The following PHTF2 variants were observed in gnomAD, a reference collection of about 807,000 sequenced individuals.
PHTF2 encodes the protein protein PHTF2.
A neutral mutation model predicts 101.2 loss-of-function variants in PHTF2; 60 were observed. The observed-to-expected ratio is 0.59, with a 90% CI of 0.48 to 0.73. PHTF2 has a LOEUF of 0.73. Ranked by LOEUF, PHTF2 falls within the 30% of genes least tolerant of loss-of-function variation. The pLI is 0.00. For synonymous variants in PHTF2, 311 were observed against 307.3 expected, an observed-to-expected ratio of 1.01 and a Z score of -0.13; for missense variants, 747 against 908.7, an observed-to-expected ratio of 0.82 and a Z score of 2.29.
At position 77,938,931 on chromosome 7, in the gene PHTF2, G is replaced by A. The variant is rs533437432; in HGVS notation, c.1467+1093G>A. Reference sequence around the variant, plus strand: ...ACAGGAATTATAATAACTGGGTCTAGAAATTGATAATACTCCCTATAACAT... The same window carrying A: ...ACAGGAATTATAATAACTGGGTCTAAAAATTGATAATACTCCCTATAACAT... On this transcript the variant is annotated intron_variant, in intron 13 of 19. Transcript: ENST00000416283. Among the ~76,000 whole-genome samples, 38 of 152,300 alleles carry A rather than the reference G, an allele frequency of 2.5e-4. No homozygotes were observed. The South Asian group carries it at 7.7e-3, about 31-fold the overall frequency.
intron 2 of PHTF2, among the ~76,000 whole-genome samples, chr7:77,847,777 G>C (rs1395788881): frequency 1.3e-5 from 2 of 152,126 alleles, no homozygotes; most frequent in Non-Finnish European, 2.9e-5. Context: ...TAGTCACCCT[G>C]TTATGCTATC....
chr7:77,920,204 A>G, intron 9 of PHTF2, 75 bp from the exon 9 acceptor site: 1 of 717,646 alleles, frequency 1.4e-6, no homozygotes, highest in Non-Finnish European at 2.3e-6. Context: ...AATTATTAAC[A>G]GATTATAATT....
chr7:77,875,278 C>T (rs1247160541), intron 3 of PHTF2, among the ~76,000 whole-genome samples: 1 of 151,964 alleles, frequency 6.6e-6, no homozygotes, highest in Non-Finnish European at 1.5e-5. Flanking sequence ...AGTTTTCTTA[C>T]ATAGATCTTC....
At chr7:77,887,240 A>G (rs1799941943) in intron 3 of PHTF2, among the ~76,000 whole-genome samples, 1 of 152,118 alleles carries the variant, frequency 6.6e-6, no homozygotes, top group Non-Finnish European at 1.5e-5. Flanking sequence ...CAGCATGTAT[A>G]AAGTGTTCAT....
chr7:77,832,626 T>G (rs1434599573), intron 1 of PHTF2, among the ~76,000 whole-genome samples: 1 of 152,006 alleles, frequency 6.6e-6, no homozygotes, highest in Non-Finnish European at 1.5e-5. Context: ...TGAAGCAGGG[T>G]TTTCTGTAGT....
chr7:77,848,665 CTT>C (rs992149096), intron 2 of PHTF2, among the ~76,000 whole-genome samples: 23 of 151,968 alleles, frequency 1.5e-4, no homozygotes, highest in African/African-American at 5.3e-4. Flanking sequence ...TAGGTTGTCT[CTT>C]TGTTGATATT....
At chr7:77,799,345 G>A (rs1373904115) in intron 1 of PHTF2, among the ~76,000 whole-genome samples, 1 of 152,160 alleles carries the variant, frequency 6.6e-6, no homozygotes, top group Admixed American at 6.5e-5. Flanking sequence ...CTGAGGGGTC[G>A]TCGGGTCCTG....
intron 11 of PHTF2, among the ~76,000 whole-genome samples, chr7:77,925,287 A>G (rs905400687): frequency 6.6e-6 from 1 of 152,144 alleles, no homozygotes; most frequent in African/African-American, 2.4e-5. Flanking sequence ...AAATCTCATT[A>G]TATGTTCAGT....
chr7:77,943,228 C>T (rs541701381), intron 16 of PHTF2, among the ~76,000 whole-genome samples: 4 of 152,224 alleles, frequency 2.6e-5, no homozygotes, highest in Non-Finnish European at 4.4e-5. Flanking sequence ...TCACGCCATT[C>T]TCCTGCCTCA....
chr7:77,852,786 T>C (rs555002467), intron 2 of PHTF2, among the ~76,000 whole-genome samples: 1 of 152,218 alleles, frequency 6.6e-6, no homozygotes, highest in Non-Finnish European at 1.5e-5. Context: ...TGATGAAATC[T>C]CTCACCTTTT....
chr7:77,879,869 C>T (rs1799264206), intron 3 of PHTF2, among the ~76,000 whole-genome samples: 2 of 152,134 alleles, frequency 1.3e-5, no homozygotes, highest in South Asian at 4.1e-4. Context: ...AGTACTTTTC[C>T]ATGAGAAATG....
intron 9 of PHTF2, among the ~76,000 whole-genome samples, chr7:77,918,736 T>C (rs1333104732): frequency 1.3e-5 from 2 of 152,236 alleles, no homozygotes; most frequent in Non-Finnish European, 2.9e-5. Context: ...CTATAATTCA[T>C]GTTCCTCCCT....
chr7:77,920,343 G>C, exon 10 of PHTF2: 1 of 1,609,406 alleles, frequency 6.2e-7, no homozygotes, highest in Non-Finnish European at 8.5e-7. Flanking sequence ...TGTATCCCTT[G>C]ATGGGAAGAA....
Position 77,829,252 on chromosome 7 carries a change from G to A in PHTF2, c.-35-10969G>A, listed in dbSNP as rs1584419849. Among the ~76,000 whole-genome samples, 4 of 152,222 alleles carry A rather than the reference G, an allele frequency of 2.6e-5. 1 individual carries two copies. The highest frequency in any genetic ancestry group is 2.6e-4 in the Admixed American group (4 of 15,278). On this transcript the variant is annotated intron_variant, in intron 1 of 19. Transcript: ENST00000416283. The stretch of plus-strand genomic sequence containing the variant: ...AGCACAAAACACTTTTATTTAGTAC[G>A]GGTATAGAGAGATGTTACTTGCCTG...
rs147299740 is a variant in PHTF2, at chr7:77,956,225, T to A, written c.*1347T>A. 477 of 152,698 alleles carry A rather than the reference T, an allele frequency of 3.1e-3. 1 individual carries two copies. The highest frequency in any genetic ancestry group is 0.011 in the African/African-American group (462 of 41,570). The allele number at this position is 152,698 out of a possible 1,614,324, so 9.5% of individuals were successfully genotyped here. A position where few individuals can be genotyped will look rare whatever the true frequency, so the allele number is the denominator to read the frequency against. ...AATCTAGAATTTTCTTGGTGCAAAGTGTATCATGTGGAATATCCTCATATT... is the reference window on the plus strand; with the variant it reads ...AATCTAGAATTTTCTTGGTGCAAAGAGTATCATGTGGAATATCCTCATATT... On this transcript the variant is annotated 3_prime_UTR_variant, in exon 20 of 20. Transcript: ENST00000416283.
At chr7:77,937,526 T>C (rs1426608326) in intron 12 of PHTF2, among the ~76,000 whole-genome samples, 184 bp from the exon 12 acceptor site, 2 of 152,158 alleles carry the variant, frequency 1.3e-5, no homozygotes, top group Non-Finnish European at 2.9e-5. Context: ...TGTGTATAAA[T>C]ATATTAGCTG....
At chr7:77,907,130 A>G (rs1036855687) in intron 7 of PHTF2, among the ~76,000 whole-genome samples, 5 of 152,170 alleles carry the variant, frequency 3.3e-5, no homozygotes, top group African/African-American at 1.2e-4. Flanking sequence ...AGAACTTGAT[A>G]AAAGTCACAT....
intron 1 of PHTF2, among the ~76,000 whole-genome samples, chr7:77,803,319 A>G (rs1481577983): frequency 6.6e-6 from 1 of 152,202 alleles, no homozygotes; most frequent in African/African-American, 2.4e-5. Context: ...TGTTAAAAGT[A>G]TATCTACAGA....
intron 10 of PHTF2, 32 bp downstream of exon 9, chr7:77,920,497 G>A (rs1803352912): frequency 6.4e-7 from 1 of 1,553,500 alleles, no homozygotes; most frequent in Non-Finnish European, 8.9e-7. Flanking sequence ...GTTTGCCTAT[G>A]TGATTTTATA....
Sources: gnomAD v4.1 joint callset for allele counts (sites outside exome capture counted in the v4.1 genomes callset) on GRCh38, gnomAD v4.1.1 for gene constraint, MANE v1.5 for transcripts, NCBI Gene and HGNC (gene_info 2026-07-23, HGNC 2026-07-21) for gene names.